Variants in DPP10 observed in about 807,000 individuals in gnomAD.
DPP10 encodes inactive dipeptidyl peptidase 10.
A neutral mutation model predicts 120.9 loss-of-function variants in DPP10; 33 were observed. That is an observed-to-expected ratio of 0.27 (90% CI 0.21 to 0.37). The LOEUF is 0.37. Ranked by LOEUF, DPP10 falls within the 10% of genes least tolerant of loss-of-function variation. The pLI is 1.00. For synonymous variants in DPP10, 337 were observed against 326.1 expected, an observed-to-expected ratio of 1.03 and a Z score of -0.36; for missense variants, 816 against 942.8, an observed-to-expected ratio of 0.87 and a Z score of 1.76.
intron 5 of DPP10, among the ~76,000 whole-genome samples, chr2:115,622,726 T>C (rs1405828975): frequency 3.4e-4 from 52 of 152,056 alleles, no homozygotes; most frequent in Admixed American, 3.4e-3. Context: ...TCTACATCTT[T>C]TTTAATATAG....
chr2:115,522,354 T>C (rs140806394), intron 4 of DPP10, among the ~76,000 whole-genome samples: 3 of 152,196 alleles, frequency 2.0e-5, no homozygotes, highest in African/African-American at 7.2e-5. Context: ...TCCTGAACAA[T>C]ATGGAAAGGG....
intron 8 of DPP10, among the ~76,000 whole-genome samples, chr2:115,737,117 G>T (rs1676626637): frequency 6.6e-6 from 1 of 152,066 alleles, no homozygotes; most frequent in Admixed American, 6.6e-5. Context: ...CCAGCTCGTT[G>T]TTGTACATCC....
At chr2:115,069,890 T>C (rs1218253371) in intron 1 of DPP10, among the ~76,000 whole-genome samples, 1 of 151,966 alleles carries the variant, frequency 6.6e-6, no homozygotes, top group Admixed American at 6.6e-5. Flanking sequence ...AATATTTATA[T>C]GTATGTATAA....
At chr2:114,807,696 A>C (rs1424303316) in intron 1 of DPP10, among the ~76,000 whole-genome samples, 1 of 152,098 alleles carries the variant, frequency 6.6e-6, no homozygotes, top group Non-Finnish European at 1.5e-5. Context: ...AGTTTTGTTG[A>C]TATAGTTGTT....
At position 115,573,428 on chromosome 2, in the gene DPP10, G is replaced by T. The variant is rs369818757; in HGVS notation, c.441+47456G>T. On this transcript the variant is annotated intron_variant, in intron 5 of 25. Coordinates refer to ENST00000410059, the MANE Select transcript of DPP10 (RefSeq NM_020868.6). The stretch of plus-strand genomic sequence containing the variant: ...CTCCCGAGTAGCTGGGACTACAGGC[G>T]CCCGCCACCACGCCCGGCTAATTTT... Among the ~76,000 whole-genome samples the T allele has an allele frequency of 2.1e-4, 31 of 150,608 alleles. No homozygotes were observed. The South Asian group carries it at 5.1e-3, about 25-fold the overall frequency.
chr2:114,446,375 C>A (rs1231366794), intron 1 of DPP10, among the ~76,000 whole-genome samples: 1 of 152,084 alleles, frequency 6.6e-6, no homozygotes, highest in Non-Finnish European at 1.5e-5. Context: ...ATCCTTCATC[C>A]TTTTTGAAGT....
chr2:115,811,583 G>A (rs1392876571), intron 19 of DPP10, among the ~76,000 whole-genome samples: 21 of 152,138 alleles, frequency 1.4e-4, no homozygotes, highest in Admixed American at 1.4e-3. Context: ...CTGTGAACAA[G>A]GCAATGTGTC....
intron 1 of DPP10, among the ~76,000 whole-genome samples, chr2:114,883,190 C>T (rs2030338): frequency 0.31 from 47,268 of 151,972 alleles, 7,751 homozygotes; most frequent in East Asian, 0.59. Context: ...GTAGCTACTA[C>T]GCATTATCTG....
intron 1 of DPP10, among the ~76,000 whole-genome samples, chr2:115,165,613 A>G (rs565772974): frequency 1.3e-5 from 2 of 152,276 alleles, no homozygotes; most frequent in South Asian, 2.1e-4. Flanking sequence ...TCTTTGTATC[A>G]TTTGTCTCTG....
chr2:114,531,090 CTG>C (rs1052008557), intron 1 of DPP10, among the ~76,000 whole-genome samples: 6 of 152,108 alleles, frequency 3.9e-5, no homozygotes, highest in African/African-American at 1.4e-4. Context: ...TTAGATAAGA[CTG>C]TGTTTGCACC....
intron 1 of DPP10, among the ~76,000 whole-genome samples, chr2:114,726,937 A>G (rs540673942): frequency 2.0e-5 from 3 of 152,370 alleles, no homozygotes; most frequent in South Asian, 4.1e-4. Context: ...TGCATAGTCT[A>G]TCTTCATGCA....
At chr2:114,971,392 T>C (rs532699008) in intron 1 of DPP10, among the ~76,000 whole-genome samples, 7 of 152,190 alleles carry the variant, frequency 4.6e-5, no homozygotes, top group Non-Finnish European at 8.8e-5. Context: ...AAAAGGGTTT[T>C]TTTAATCCTC....
intron 5 of DPP10, among the ~76,000 whole-genome samples, chr2:115,672,703 T>TTTCTTTCTTTCTTTCTTTCTTTCA: frequency 6.8e-6 from 1 of 147,712 alleles, no homozygotes; most frequent in Admixed American, 6.9e-5. Context: ...TCTTTCTTTC[T>TTTCTTTCTTTCTTTCTTTCTTTCA]TTCTTTCTCT....
At chr2:115,267,590 C>G (rs13033618) in intron 1 of DPP10, among the ~76,000 whole-genome samples, 7,171 of 152,136 alleles carry the variant, frequency 0.047, 298 homozygotes, top group East Asian at 0.19. Context: ...CCTCTCCTTG[C>G]CTACCTCTCT....
intron 1 of DPP10, among the ~76,000 whole-genome samples, chr2:114,822,723 G>A (rs1168294958): frequency 1.3e-5 from 2 of 151,854 alleles, no homozygotes; most frequent in Non-Finnish European, 2.9e-5. Flanking sequence ...ATACTTTGCT[G>A]CTTAGAAATT....
At chr2:114,864,171 A>T (rs568496048) in intron 1 of DPP10, among the ~76,000 whole-genome samples, 8 of 152,092 alleles carry the variant, frequency 5.3e-5, no homozygotes, top group Middle Eastern at 3.4e-3. Context: ...ATCAGATATG[A>T]CCTCTCTTTT....
At chr2:115,080,618 A>G (rs572275538) in intron 1 of DPP10, among the ~76,000 whole-genome samples, 1 of 152,362 alleles carries the variant, frequency 6.6e-6, no homozygotes, top group East Asian at 1.9e-4. Flanking sequence ...ACCATAAGGC[A>G]TGCAAAGAAG....
At chr2:115,155,573 T>G (rs1016945342) in intron 1 of DPP10, among the ~76,000 whole-genome samples, 1 of 152,234 alleles carries the variant, frequency 6.6e-6, no homozygotes, top group Non-Finnish European at 1.5e-5. Context: ...AATAGATTCC[T>G]CCTCCTCCTC....
intron 1 of DPP10, among the ~76,000 whole-genome samples, chr2:115,268,125 CATT>C (rs2059537693): frequency 6.6e-6 from 1 of 152,176 alleles, no homozygotes; most frequent in African/African-American, 2.4e-5. Flanking sequence ...ATGCCTCACT[CATT>C]GTTGTATCCG....
Sources: allele counts gnomAD v4.1 joint callset (sites outside exome capture counted in the v4.1 genomes callset), GRCh38; gene constraint gnomAD v4.1.1; transcripts MANE v1.5; gene names NCBI Gene and HGNC (gene_info 2026-07-23, HGNC 2026-07-21).